ATE1: variants seen among roughly 807,000 people sequenced by gnomAD.
ATE1 encodes arginyl-tRNA--protein transferase 1.
A neutral mutation model predicts 70.5 loss-of-function variants in ATE1; 36 were observed. The observed-to-expected ratio is 0.51, with a 90% CI of 0.39 to 0.67. The LOEUF (loss-of-function observed/expected upper bound fraction) is 0.67. ATE1 is among the 30% of genes least tolerant of loss of function. The pLI, the probability that ATE1 is intolerant of heterozygous loss-of-function variation, is 0.00. For synonymous variants in ATE1, 232 were observed against 219.3 expected (o/e 1.06, Z -0.51); for missense variants, 593 against 629.5 (o/e 0.94, Z 0.62).
At chr10:121,797,708 G>A (rs1487114584) in intron 10 of ATE1, among the ~76,000 whole-genome samples, 2 of 151,670 alleles carry the variant, frequency 1.3e-5, no homozygotes, top group Non-Finnish European at 2.9e-5. Context: ...TGTCACCTTC[G>A]CCACACTGGC....
chr10:121,816,538 C>G (rs764951758), intron 10 of ATE1, among the ~76,000 whole-genome samples: 1 of 152,110 alleles, frequency 6.6e-6, no homozygotes, highest in Non-Finnish European at 1.5e-5. Flanking sequence ...CCTTCTGCCC[C>G]GTGAGGACAC....
rs1382116032 is a variant in ATE1 at position 121,927,837 on chromosome 10, C to T, written c.106+7G>A. The T allele has an allele frequency of 6.4e-7, 1 of 1,562,202 alleles. No homozygotes were observed. The highest frequency in any genetic ancestry group is 1.2e-5 in the South Asian group (1 of 84,984). On this transcript the variant is annotated splice_region_variant and intron_variant, in intron 1 of 11. Transcript: ENST00000224652. ...GCTTCCCACGCCCGCCGGCCCGGCTCGCTCACCATTGGAGCGGCTGCCCGA... is the reference window on the plus strand; with the variant it reads ...GCTTCCCACGCCCGCCGGCCCGGCTTGCTCACCATTGGAGCGGCTGCCCGA...
intron 7 of ATE1, among the ~76,000 whole-genome samples, chr10:121,889,253 G>A (rs1025566608): frequency 2.0e-5 from 3 of 151,764 alleles, no homozygotes; most frequent in African/African-American, 7.3e-5. Flanking sequence ...CTTTTTTTAA[G>A]TACACATAAC....
At chr10:121,785,804 T>C (rs1212035533) in intron 11 of ATE1, among the ~76,000 whole-genome samples, 9 of 152,196 alleles carry the variant, frequency 5.9e-5, no homozygotes, top group African/African-American at 1.9e-4. Flanking sequence ...AGTCTCTTTA[T>C]AGCAAATTTA....
intron 7 of ATE1, among the ~76,000 whole-genome samples, chr10:121,876,590 C>G (rs1185648162): frequency 6.6e-6 from 1 of 152,128 alleles, no homozygotes; most frequent in African/African-American, 2.4e-5. Context: ...TTTAAGTTTG[C>G]AATATGAATC....
At chr10:121,867,924 AC>A (rs1949718792) in intron 8 of ATE1, among the ~76,000 whole-genome samples, 1 of 152,136 alleles carries the variant, frequency 6.6e-6, no homozygotes. Flanking sequence ...ACAATTTTTT[AC>A]CATTCATTTT....
At position 121,863,154 on chromosome 10, in the gene ATE1, G is replaced by C. The variant is rs149110624; in HGVS notation, c.975+6852C>G. On this transcript the variant is annotated intron_variant, in intron 8 of 11. Coordinates refer to ENST00000224652, the MANE Select transcript of ATE1 (RefSeq NM_001001976.3). ...TCATGTTATCTTGAGGCTCTATTAA[G>C]TGGATCGCATTTCAAATTACTGCAT... Among the ~76,000 whole-genome samples the C allele has an allele frequency of 7.9e-5, 12 of 151,830 alleles. No individual in the cohort carries two copies. In the East Asian group the frequency reaches 2.3e-3, roughly 29 times the overall value.
At chr10:121,842,616 A>G (rs1427874805) in intron 8 of ATE1, among the ~76,000 whole-genome samples, 1 of 152,174 alleles carries the variant, frequency 6.6e-6, no homozygotes, top group African/African-American at 2.4e-5. Flanking sequence ...ATATAAAAAG[A>G]ATTATACCAT....
chr10:121,875,979 C>T (rs1396632607), intron 7 of ATE1, among the ~76,000 whole-genome samples: 1 of 152,200 alleles, frequency 6.6e-6, no homozygotes, highest in Non-Finnish European at 1.5e-5. Context: ...ACACTGGTCC[C>T]TACCAGCTCT....
intron 7 of ATE1, chr10:121,898,969 C>T (rs1216883797): frequency 6.2e-7 from 1 of 1,612,520 alleles, no homozygotes; most frequent in Admixed American, 1.7e-5. Context: ...ACTAACCTCA[C>T]CTTCAGAGCA....
chr10:121,800,984 A>G lies in ATE1; in HGVS notation c.1258-10695T>C, dbSNP rs539937669. ...TACATAAACAGAGATTGACTTTATC[A>G]GTCCCCAAGAGAGTGCTTTAGAAGT... On this transcript the variant is annotated intron_variant, in intron 10 of 11. Transcript: ENST00000224652. 4.9e-4 allele frequency among the ~76,000 whole-genome samples: 75 copies of G among 152,290 alleles called. 2 individuals are homozygous for G. In the South Asian group the frequency reaches 0.015, roughly 31 times the overall value.
intron 10 of ATE1, among the ~76,000 whole-genome samples, chr10:121,812,198 C>A (rs1232243445): frequency 6.6e-6 from 1 of 151,970 alleles, no homozygotes; most frequent in African/African-American, 2.4e-5. Flanking sequence ...TCAGGCGATC[C>A]ACCTGCTTTG....
intron 5 of ATE1, 147 bp downstream of exon 5, chr10:121,910,759 T>C: frequency 9.6e-7 from 1 of 1,044,252 alleles, no homozygotes; most frequent in Non-Finnish European, 1.4e-6. Context: ...TCCATCTAAT[T>C]CTAGGCAATA....
intron 11 of ATE1, among the ~76,000 whole-genome samples, chr10:121,762,395 T>C (rs1945079152): frequency 6.6e-6 from 1 of 152,150 alleles, no homozygotes; most frequent in African/African-American, 2.4e-5. Context: ...GGCCTCCAAA[T>C]CCTCAGGAGA....
At chr10:121,787,298 A>G (rs977760534) in intron 11 of ATE1, among the ~76,000 whole-genome samples, 1 of 152,148 alleles carries the variant, frequency 6.6e-6, no homozygotes, top group Non-Finnish European at 1.5e-5. Flanking sequence ...ATTAAGCTCT[A>G]TTTTCTGAGT....
intron 7 of ATE1, among the ~76,000 whole-genome samples, chr10:121,896,154 G>T (rs2134251152): frequency 6.6e-6 from 1 of 152,188 alleles, no homozygotes; most frequent in Non-Finnish European, 1.5e-5. Context: ...CATATTTCCT[G>T]TGAACTGGTC....
chr10:121,909,211 A>C (rs1371718621), intron 5 of ATE1, among the ~76,000 whole-genome samples: 1 of 151,786 alleles, frequency 6.6e-6, no homozygotes, highest in East Asian at 1.9e-4. Flanking sequence ...CTGGTCTCAA[A>C]CTCCTGGGCT....
intron 7 of ATE1, among the ~76,000 whole-genome samples, chr10:121,890,281 G>C (rs1183815693): frequency 1.3e-5 from 2 of 152,082 alleles, no homozygotes; most frequent in East Asian, 3.8e-4. Flanking sequence ...GCACTAAATA[G>C]TAGATGATAT....
intron 11 of ATE1, among the ~76,000 whole-genome samples, chr10:121,777,203 G>T (rs997114895): frequency 6.6e-6 from 1 of 152,196 alleles, no homozygotes; most frequent in African/African-American, 2.4e-5. Flanking sequence ...CTTGCCTTTA[G>T]ATTTCTAGTT....
Sources: allele counts gnomAD v4.1 joint callset (sites outside exome capture counted in the v4.1 genomes callset), GRCh38; gene constraint gnomAD v4.1.1; transcripts MANE v1.5; gene names NCBI Gene and HGNC (gene_info 2026-07-23, HGNC 2026-07-21).